Variants in PCDH11X observed in about 807,000 individuals in gnomAD.
PCDH11X encodes the protein protocadherin-11 X-linked.
PCDH11X carries 18 observed loss-of-function variants against 53.3 expected under a neutral mutation model. That is an observed-to-expected ratio of 0.34 (90% CI 0.23 to 0.50). The LOEUF is 0.50. Among genes scored for constraint, PCDH11X ranks in the 20% least tolerant of loss-of-function variants. The pLI is 0.98. For missense variants in PCDH11X, 570 were observed against 1,032.4 expected (o/e 0.55, Z 6.14); for synonymous variants, 279 against 393.3 (o/e 0.71, Z 3.44).
At chrX:92,408,728 G>T (rs2071579372) in intron 9 of PCDH11X, among the ~76,000 whole-genome samples, 1 of 110,174 alleles carries the variant, frequency 9.1e-6, no homozygotes, top group East Asian at 2.9e-4. Flanking sequence ...GACTACAGGT[G>T]CCTGCCACCA....
intron 6 of PCDH11X, among the ~76,000 whole-genome samples, chrX:92,150,361 A>T (rs1427624000): frequency 1.8e-5 from 2 of 109,694 alleles, no homozygotes; most frequent in Non-Finnish European, 1.9e-5. Flanking sequence ...GATGTCAAGC[A>T]TCTCATGGTT....
chrX:92,218,830 T>C (rs2066786345), intron 7 of PCDH11X, among the ~76,000 whole-genome samples: 1 of 111,182 alleles, frequency 9.0e-6, no homozygotes, highest in Non-Finnish European at 1.9e-5. Context: ...CAGCAGCACA[T>C]CAAAAAGCTT....
At chrX:92,331,951 T>G (rs1316349336) in intron 8 of PCDH11X, among the ~76,000 whole-genome samples, 3 of 111,795 alleles carry the variant, frequency 2.7e-5, no homozygotes, top group Non-Finnish European at 3.8e-5. Flanking sequence ...CCATCTTTCC[T>G]TCTCCTTGTT....
At chrX:92,297,365 G>A (rs760673171) in intron 8 of PCDH11X, among the ~76,000 whole-genome samples, 33 of 105,221 alleles carry the variant, frequency 3.1e-4, no homozygotes, top group African/African-American at 1.1e-3. Context: ...TTCTGCATAT[G>A]GCTAGCCAGT....
intron 6 of PCDH11X, among the ~76,000 whole-genome samples, chrX:92,138,227 G>A (rs2065115298): frequency 9.1e-6 from 1 of 110,497 alleles, no homozygotes; most frequent in African/African-American, 3.3e-5. Flanking sequence ...TGGTGGATAT[G>A]TACCACATTT....
chrX:92,488,580 A>G (rs2073693190), intron 10 of PCDH11X, among the ~76,000 whole-genome samples: 1 of 110,953 alleles, frequency 9.0e-6, no homozygotes, highest in Admixed American at 9.7e-5. Context: ...ATATATTTTT[A>G]TTATATACCT....
Position 92,233,006 on chromosome X carries a change from C to T in PCDH11X, c.3115-30108C>T, listed in dbSNP as rs549923154. Among the ~76,000 whole-genome samples, 47 of 111,951 alleles carry T rather than the reference C, an allele frequency of 4.2e-4. 1 individual carries two copies. In the South Asian group the frequency reaches 0.013, roughly 32 times the overall value. On this transcript the variant is annotated intron_variant, in intron 7 of 10. Coordinates refer to ENST00000682573, the MANE Select transcript of PCDH11X (RefSeq NM_032968.5). ...CTGGGATTACAGGCGTGAGCCACCG[C>T]GCCCGGCCTGCCCTAAATATAATTA... is the stretch of plus-strand genomic sequence containing the variant.
At chrX:91,907,709 G>A (rs922507056) in intron 6 of PCDH11X, among the ~76,000 whole-genome samples, 4 of 107,466 alleles carry the variant, frequency 3.7e-5, no homozygotes, top group Admixed American at 1.0e-4. Context: ...GGGGTTTGTT[G>A]TACAGGTTAT....
chrX:92,507,625 A>T (rs1017938876), intron 10 of PCDH11X, among the ~76,000 whole-genome samples: 1 of 111,218 alleles, frequency 9.0e-6, no homozygotes, highest in Admixed American at 9.6e-5. Context: ...TTACGTTTGG[A>T]TACTAAATAT....
chrX:91,816,244 T>A (rs937959431), intron 4 of PCDH11X, among the ~76,000 whole-genome samples: 1 of 111,712 alleles, frequency 9.0e-6, no homozygotes, highest in African/African-American at 3.3e-5. Context: ...GAATATAAGA[T>A]CTTCCATACA....
chrX:92,613,150 T>A (rs1927559966), intron 10 of PCDH11X, among the ~76,000 whole-genome samples: 1 of 109,919 alleles, frequency 9.1e-6, no homozygotes, highest in Non-Finnish European at 1.9e-5. Flanking sequence ...CATGAAGTTG[T>A]TAGCTGTTTG....
chrX:92,267,805 G>T (rs191629942), intron 8 of PCDH11X, among the ~76,000 whole-genome samples: 34 of 112,373 alleles, frequency 3.0e-4, no homozygotes, highest in Admixed American at 3.0e-3. Context: ...CAATATCAAG[G>T]TACCAGCATC....
At chrX:92,229,778 G>A (rs2067034105) in intron 7 of PCDH11X, among the ~76,000 whole-genome samples, 1 of 110,974 alleles carries the variant, frequency 9.0e-6, no homozygotes, top group Non-Finnish European at 1.9e-5. Context: ...AAGGAATATT[G>A]AAAGTAAATT....
chrX:91,800,510 T>C (rs963018575), intron 1 of PCDH11X, among the ~76,000 whole-genome samples: 4 of 107,783 alleles, frequency 3.7e-5, no homozygotes, highest in Non-Finnish European at 7.7e-5. Flanking sequence ...TATATCTAAA[T>C]GTTGTCTGAC....
intron 10 of PCDH11X, among the ~76,000 whole-genome samples, chrX:92,511,039 A>G (rs2074152794): frequency 9.0e-6 from 1 of 111,261 alleles, no homozygotes; most frequent in South Asian, 3.7e-4. Context: ...CCCAGATGTA[A>G]TTTAGGAATA....
At chrX:92,447,447 G>A (rs1221538928) in intron 9 of PCDH11X, among the ~76,000 whole-genome samples, 1 of 111,372 alleles carries the variant, frequency 9.0e-6, no homozygotes, top group Non-Finnish European at 1.9e-5. Flanking sequence ...ATGGGGCCAA[G>A]GTACAGCTCG....
intron 9 of PCDH11X, chrX:92,460,400 A>G: frequency 3.3e-6 from 3 of 897,574 alleles, no homozygotes; most frequent in Non-Finnish European, 4.9e-6. Context: ...GACCTCGCCA[A>G]GATCATGGCA....
At chrX:91,940,157 C>G (rs1156266663) in intron 6 of PCDH11X, among the ~76,000 whole-genome samples, 1 of 110,527 alleles carries the variant, frequency 9.0e-6, no homozygotes, top group Non-Finnish European at 1.9e-5. Flanking sequence ...AAGTATGCAG[C>G]ACTTCCCCCA....
At chrX:92,011,475 TA>T (rs2062690357) in intron 6 of PCDH11X, among the ~76,000 whole-genome samples, 1 of 112,549 alleles carries the variant, frequency 8.9e-6, no homozygotes, top group African/African-American at 3.2e-5. Context: ...TAATTCAATG[TA>T]AAATGTGTTT....
Sources: allele counts gnomAD v4.1 joint callset (sites outside exome capture counted in the v4.1 genomes callset), GRCh38; gene constraint gnomAD v4.1.1; transcripts MANE v1.5; gene names NCBI Gene and HGNC (gene_info 2026-07-23, HGNC 2026-07-21).